The following RGS7 variants were observed in gnomAD, a reference collection of about 807,000 sequenced individuals.
The protein encoded by RGS7 is regulator of G-protein signaling 7.
A neutral mutation model predicts 81.1 loss-of-function variants in RGS7; 27 were observed. The observed-to-expected ratio is 0.33, with a 90% CI of 0.25 to 0.46. The LOEUF (loss-of-function observed/expected upper bound fraction) is 0.46. Ranked by LOEUF, RGS7 falls within the 20% of genes least tolerant of loss-of-function variation. RGS7 has a pLI of 1.00. For missense variants in RGS7, 396 were observed against 607.4 expected, an observed-to-expected ratio of 0.65 and a Z score of 3.66; for synonymous variants, 208 against 207.7, an observed-to-expected ratio of 1.00 and a Z score of -0.01.
chr1:241,255,654 T>C (rs1573376298), intron 2 of RGS7, among the ~76,000 whole-genome samples: 1 of 152,216 alleles, frequency 6.6e-6, no homozygotes, highest in Non-Finnish European at 1.5e-5. Context: ...AGATCTGCAA[T>C]GTGCTTCCTT....
At chr1:241,023,917 G>A (rs867474878) in intron 3 of RGS7, among the ~76,000 whole-genome samples, 322 of 152,196 alleles carry the variant, frequency 2.1e-3, no homozygotes, top group African/African-American at 7.6e-3. Flanking sequence ...GGCTAATTTT[G>A]TATTTTTAGT....
intron 6 of RGS7, among the ~76,000 whole-genome samples, chr1:240,901,330 C>A (rs969728528): frequency 6.6e-6 from 1 of 152,146 alleles, no homozygotes; most frequent in African/African-American, 2.4e-5. Flanking sequence ...GAACCTGGTA[C>A]CTCAGTTGGA....
At chr1:240,962,666 A>G (rs930195369) in intron 4 of RGS7, among the ~76,000 whole-genome samples, 5 of 152,214 alleles carry the variant, frequency 3.3e-5, no homozygotes, top group Admixed American at 2.6e-4. Flanking sequence ...GGAAGATCCA[A>G]TCTAATCTTG....
intron 2 of RGS7, among the ~76,000 whole-genome samples, chr1:241,229,945 A>G (rs1277847418): frequency 2.6e-5 from 4 of 152,232 alleles, no homozygotes; most frequent in Non-Finnish European, 5.9e-5. Flanking sequence ...GATCTGTAAC[A>G]GGAAACAGAT....
chr1:241,342,907 T>G (rs892494190), intron 2 of RGS7, among the ~76,000 whole-genome samples: 3 of 152,306 alleles, frequency 2.0e-5, no homozygotes, highest in Middle Eastern at 3.4e-3. Flanking sequence ...CTCTGTGTCC[T>G]GCTGGTGGAG....
chr1:241,297,217 T>C (rs898002362), intron 2 of RGS7, among the ~76,000 whole-genome samples: 1 of 152,206 alleles, frequency 6.6e-6, no homozygotes, highest in African/African-American at 2.4e-5. Flanking sequence ...ATGAGCTCAA[T>C]GGATGCTGGT....
intron 4 of RGS7, among the ~76,000 whole-genome samples, chr1:240,982,386 C>T (rs1391098889): frequency 7.4e-6 from 1 of 135,190 alleles, no homozygotes; most frequent in Non-Finnish European, 1.5e-5. Flanking sequence ...TGCACCACTG[C>T]ACTCCAGCCT....
intron 2 of RGS7, among the ~76,000 whole-genome samples, chr1:241,206,215 G>T (rs987975369): frequency 3.4e-5 from 5 of 148,288 alleles, no homozygotes; most frequent in African/African-American, 1.2e-4. Context: ...TTTGCCCCAT[G>T]ACTTAAAGAA....
At chr1:241,229,066 A>C (rs1292510786) in intron 2 of RGS7, among the ~76,000 whole-genome samples, 1 of 152,028 alleles carries the variant, frequency 6.6e-6, no homozygotes, top group Non-Finnish European at 1.5e-5. Context: ...AAATTAAAAA[A>C]AAAAAAAAGA....
At chr1:241,097,563 C>G (rs1255279371) in intron 3 of RGS7, among the ~76,000 whole-genome samples, 3 of 152,058 alleles carry the variant, frequency 2.0e-5, no homozygotes, top group Admixed American at 1.3e-4. Flanking sequence ...GCCTGCAACC[C>G]CTGTACAGGA....
chr1:241,318,560 G>A (rs955515153), intron 2 of RGS7, among the ~76,000 whole-genome samples: 9 of 151,814 alleles, frequency 5.9e-5, no homozygotes, highest in Admixed American at 2.0e-4. Context: ...GGGTTCAAGC[G>A]ATTCTCCCGC....
rs117987477 is a variant in RGS7 at position 241,149,196 on chromosome 1, T to C, written c.79-50434A>G. ...TCTCTTTTTTTTTGAGATGAAGTCTTGCTCTTGTTGCCCAGGCTGGAGTGC... is the reference window on the plus strand; with the variant it reads ...TCTCTTTTTTTTTGAGATGAAGTCTCGCTCTTGTTGCCCAGGCTGGAGTGC... On this transcript the variant is annotated intron_variant, in intron 2 of 18. Transcript: ENST00000440928. 3.1e-3 allele frequency among the ~76,000 whole-genome samples: 478 copies of C among 152,266 alleles called. 12 individuals carry two copies. In the East Asian group the frequency reaches 0.059, roughly 19 times the overall value.
intron 10 of RGS7, among the ~76,000 whole-genome samples, chr1:240,817,656 G>A (rs972908573): frequency 2.0e-5 from 3 of 152,086 alleles, no homozygotes; most frequent in African/African-American, 7.2e-5. Flanking sequence ...AGGCTGGAGT[G>A]CAGTGGCGTA....
intron 2 of RGS7, among the ~76,000 whole-genome samples, chr1:241,167,726 G>A (rs1021780602): frequency 1.3e-5 from 2 of 151,782 alleles, no homozygotes; most frequent in African/African-American, 2.4e-5. Context: ...CATCATGTTG[G>A]CCAGGCTTGT....
At chr1:241,075,417 A>G (rs2062732698) in intron 3 of RGS7, among the ~76,000 whole-genome samples, 1 of 152,148 alleles carries the variant, frequency 6.6e-6, no homozygotes, top group Non-Finnish European at 1.5e-5. Flanking sequence ...TGACGAGGAG[A>G]AAAAGAGAGA....
intron 6 of RGS7, among the ~76,000 whole-genome samples, chr1:240,892,194 C>T (rs142226279): frequency 1.2e-3 from 186 of 152,194 alleles, no homozygotes; most frequent in African/African-American, 4.3e-3. Flanking sequence ...CTCTTATGTA[C>T]TTTGCTTGCA....
rs908379015 is a variant in RGS7, at chr1:241,155,437, T to A, written c.79-56675A>T. On this transcript the variant is annotated intron_variant, in intron 2 of 18. Coordinates refer to ENST00000440928, the MANE Select transcript of RGS7 (RefSeq NM_001364886.1). The stretch of plus-strand genomic sequence containing the variant: ...TAAAAAATAAAAATGAAGACATGCA[T>A]AAATTAGTATAGTAGAAGGAAAAAA... 2.6e-5 allele frequency among the ~76,000 whole-genome samples: 4 copies of A among 151,976 alleles called. No homozygotes were observed. The South Asian group carries it at 6.2e-4, about 24-fold the overall frequency.
chr1:240,844,057 A>T (rs181800500), intron 9 of RGS7, among the ~76,000 whole-genome samples: 1 of 152,106 alleles, frequency 6.6e-6, no homozygotes, highest in Non-Finnish European at 1.5e-5. Flanking sequence ...CACATTTTAA[A>T]TCTTAGTTTC....
At chr1:241,280,317 T>TG (rs1317510671) in intron 2 of RGS7, among the ~76,000 whole-genome samples, 5 of 152,166 alleles carry the variant, frequency 3.3e-5, no homozygotes, top group Non-Finnish European at 7.4e-5. Context: ...AAGAGGGGAA[T>TG]GGAACACATT....
Sources: gnomAD v4.1 joint callset for allele counts (sites outside exome capture counted in the v4.1 genomes callset) on GRCh38, gnomAD v4.1.1 for gene constraint, MANE v1.5 for transcripts, NCBI Gene and HGNC (gene_info 2026-07-23, HGNC 2026-07-21) for gene names.